The following FRS2 variants were observed in gnomAD, a reference collection of about 807,000 sequenced individuals.
FRS2 encodes the protein fibroblast growth factor receptor substrate 2.
In FRS2, 8 loss-of-function variants were observed where a neutral mutation model predicts 43.9. The observed-to-expected ratio is 0.18, with a 90% CI of 0.11 to 0.33. FRS2 has a LOEUF of 0.33. Among genes scored for constraint, FRS2 ranks in the 10% least tolerant of loss-of-function variants. The probability of loss-of-function intolerance (pLI) is 1.00; values close to 1 mark genes in which losing one functional copy is unlikely to be tolerated. For synonymous variants in FRS2, 219 were observed against 220.3 expected (o/e 0.99, Z 0.05); for missense variants, 534 against 627.6 (o/e 0.85, Z 1.59).
intron 1 of FRS2, among the ~76,000 whole-genome samples, chr12:69,521,880 C>T (rs1350556752): frequency 6.6e-6 from 1 of 152,174 alleles, no homozygotes; most frequent in African/African-American, 2.4e-5. Flanking sequence ...TCCCAAAGTG[C>T]TGGGATTATA....
intron 1 of FRS2, among the ~76,000 whole-genome samples, chr12:69,472,779 A>G (rs1870429751): frequency 1.3e-5 from 2 of 152,234 alleles, no homozygotes; most frequent in African/African-American, 4.8e-5. Flanking sequence ...TGTTTTGGTA[A>G]TAATTTCTGA....
rs527739765 is a variant in FRS2, at chr12:69,576,630, G to A, written c.*1675G>A. 1.3e-5 allele frequency: 2 copies of A among 152,114 alleles called. No homozygotes were observed. The highest frequency in any genetic ancestry group is 2.9e-5 in the Non-Finnish European group (2 of 68,018). The allele number at this position is 152,114 out of a possible 1,614,324, so 9.4% of individuals were successfully genotyped here. ...TTGGCATCCAACCTATTCAGTAACC[G>A]AATCATAGGACAATGATGGATTAGG... On this transcript the variant is annotated 3_prime_UTR_variant, in exon 9 of 9. Transcript: ENST00000549921.
intron 5 of FRS2, 76 bp from the exon 6 acceptor site, chr12:69,570,255 A>G (rs1880635176): frequency 2.7e-6 from 3 of 1,092,782 alleles, no homozygotes; most frequent in South Asian, 1.3e-5. Context: ...ACAAATTACA[A>G]ATAACTAATT....
intron 1 of FRS2, among the ~76,000 whole-genome samples, chr12:69,489,676 A>C (rs1167515844): frequency 6.6e-6 from 1 of 151,972 alleles, no homozygotes. Context: ...CTCAAAAAAA[A>C]AAAAAAAAGA....
At chr12:69,534,826 G>T (rs1331335012) in intron 3 of FRS2, among the ~76,000 whole-genome samples, 4 of 152,186 alleles carry the variant, frequency 2.6e-5, no homozygotes, top group Admixed American at 1.3e-4. Flanking sequence ...GTATGTATGT[G>T]TGTGTTTGGG....
At chr12:69,514,744 A>G (rs1034077730) in intron 1 of FRS2, among the ~76,000 whole-genome samples, 2 of 151,978 alleles carry the variant, frequency 1.3e-5, no homozygotes, top group Admixed American at 6.6e-5. Flanking sequence ...GAGGCAGGAG[A>G]ATCATTTGAA....
chr12:69,566,278 A>C (rs988070893), intron 4 of FRS2, among the ~76,000 whole-genome samples: 1 of 152,062 alleles, frequency 6.6e-6, no homozygotes, highest in African/African-American at 2.4e-5. Flanking sequence ...ATTCCTTTGG[A>C]GCATCATCTT....
intron 3 of FRS2, among the ~76,000 whole-genome samples, chr12:69,537,386 A>G (rs981656044): frequency 1.3e-5 from 2 of 151,796 alleles, no homozygotes; most frequent in African/African-American, 4.8e-5. Flanking sequence ...TTTAGTGAAG[A>G]TCCTTTGGTG....
chr12:69,480,021 C>G (rs997029746), intron 1 of FRS2, among the ~76,000 whole-genome samples: 2 of 152,088 alleles, frequency 1.3e-5, no homozygotes, highest in Non-Finnish European at 2.9e-5. Flanking sequence ...GGATACTTTT[C>G]TTGAAGTTAG....
chr12:69,547,857 G>C (rs1370122103), intron 3 of FRS2, among the ~76,000 whole-genome samples: 1 of 23,344 alleles, frequency 4.3e-5, no homozygotes, highest in Non-Finnish European at 1.1e-4. Flanking sequence ...TTTTTTTTTT[G>C]TGAGTCAGGG....
intron 4 of FRS2, among the ~76,000 whole-genome samples, chr12:69,565,821 A>AT (rs150924893): frequency 0.094 from 14,154 of 150,602 alleles, 868 homozygotes; most frequent in Non-Finnish European, 0.14. Flanking sequence ...TTTACAGTTA[A>AT]TTTTTTTTTT....
intron 1 of FRS2, among the ~76,000 whole-genome samples, chr12:69,519,285 A>G (rs1875384667): frequency 6.6e-6 from 1 of 152,182 alleles, no homozygotes; most frequent in Non-Finnish European, 1.5e-5. Context: ...CTTCATAGTG[A>G]ATATTTTGTG....
At position 69,562,261 on chromosome 12, in the gene FRS2, A is replaced by G. The variant is rs1565776450; in HGVS notation, c.-40A>G. The G allele has an allele frequency of 1.3e-5, 5 of 398,454 alleles. No individual in the cohort carries two copies. The highest frequency in any genetic ancestry group is 2.2e-5 in the Non-Finnish European group (5 of 225,950). 24.7% of individuals were successfully genotyped at this position (398,454 alleles called of 1,614,324 possible). On this transcript the variant is annotated 5_prime_UTR_variant, in exon 4 of 9. The change abolishes an upstream ATG in the 5' untranslated region. Coordinates refer to ENST00000549921, the MANE Select transcript of FRS2 (RefSeq NM_001278356.2). ...GCTGCAGCAGAGGCTAAGAATATTA[A>G]TGGCCAGATCTAGGTAAGTTGAAGT...
intron 3 of FRS2, among the ~76,000 whole-genome samples, chr12:69,535,702 T>C (rs1435309339): frequency 2.0e-5 from 3 of 152,168 alleles, no homozygotes; most frequent in African/African-American, 7.2e-5. Context: ...TTGTTAATTG[T>C]TCTCTTCATA....
chr12:69,485,113 A>ACG lies in FRS2; in HGVS notation c.-261+14584_-261+14585insGC, dbSNP rs1211462538. Among the ~76,000 whole-genome samples, 41 of 142,410 alleles carry ACG rather than the reference A, an allele frequency of 2.9e-4. 1 individual carries two copies. In the East Asian group the frequency reaches 7.2e-3, roughly 25 times the overall value. 93.4% of individuals were successfully genotyped at this position (142,410 alleles called of 152,430 possible). ...CACACACACACACACACACACACACACACACACACACACACACACACACTC... is the reference window on the plus strand; with the variant it reads ...CACACACACACACACACACACACACACGCACACACACACACACACACACACTC... On this transcript the variant is annotated intron_variant, in intron 1 of 8. Transcript: ENST00000549921.
Position 69,486,149 on chromosome 12 carries a change from T to C in FRS2, c.-261+15619T>C, listed in dbSNP as rs372523013. Reference sequence around the variant, plus strand: ...AGGCACTTTCAGTGTAATACAGGCATACCTCATTTTTTTGTGTTTTGCAGA... The same window carrying C: ...AGGCACTTTCAGTGTAATACAGGCACACCTCATTTTTTTGTGTTTTGCAGA... On this transcript the variant is annotated intron_variant, in intron 1 of 8. Transcript: ENST00000549921. The C allele has an allele frequency of 1.1e-4, 17 of 151,612 alleles. No homozygotes were observed. The East Asian group carries it at 3.1e-3, about 28-fold the overall frequency. The allele number at this position is 151,612 out of a possible 1,614,324, so 9.4% of individuals were successfully genotyped here.
intron 1 of FRS2, among the ~76,000 whole-genome samples, chr12:69,530,343 G>A (rs2135660625): frequency 6.6e-6 from 1 of 151,810 alleles, no homozygotes; most frequent in African/African-American, 2.4e-5. Flanking sequence ...AGGAATTGAG[G>A]ACTGAAGAGT....
Position 69,578,496 on chromosome 12 carries a change from T to A in FRS2, c.*3541T>A, listed in dbSNP as rs1364050054. On this transcript the variant is annotated 3_prime_UTR_variant, in exon 9 of 9. Coordinates refer to ENST00000549921, the MANE Select transcript of FRS2 (RefSeq NM_001278356.2). The stretch of plus-strand genomic sequence containing the variant: ...CTGTTCTTTACATCCCTGTTCCCCA[T>A]CCCTACTTCCTCATTTTTGGTATAA... The A allele has an allele frequency of 2.0e-5, 3 of 152,474 alleles. No individual in the cohort carries two copies. Among genetic ancestry groups the A allele is most frequent in the Non-Finnish European group, 4.4e-5 (3 of 68,020 alleles). 9.4% of individuals were successfully genotyped at this position (152,474 alleles called of 1,614,324 possible). A position where few individuals can be genotyped will look rare whatever the true frequency, so the allele number is the denominator to read the frequency against.
intron 1 of FRS2, among the ~76,000 whole-genome samples, chr12:69,488,437 G>T (rs1759290682): frequency 6.6e-6 from 1 of 152,126 alleles, no homozygotes; most frequent in Non-Finnish European, 1.5e-5. Context: ...TAAAATTAAG[G>T]TATGTGCGTT....
Sources: gnomAD v4.1 joint callset for allele counts (sites outside exome capture counted in the v4.1 genomes callset) on GRCh38, gnomAD v4.1.1 for gene constraint, MANE v1.5 for transcripts, NCBI Gene and HGNC (gene_info 2026-07-23, HGNC 2026-07-21) for gene names.